SEMA6A: variants seen among roughly 807,000 people sequenced by gnomAD.
SEMA6A encodes semaphorin-6A.
SEMA6A carries 25 observed loss-of-function variants against 96.8 expected under a neutral mutation model. The ratio of observed to expected loss-of-function variants is 0.26; its 90% CI spans 0.19 to 0.36. The LOEUF (loss-of-function observed/expected upper bound fraction) is 0.36. SEMA6A is among the 10% of genes least tolerant of loss of function. The pLI is 1.00. For missense variants in SEMA6A, 1,363 were observed against 1,323.1 expected, an observed-to-expected ratio of 1.03 and a Z score of -0.47; for synonymous variants, 612 against 518.0, an observed-to-expected ratio of 1.18 and a Z score of -2.46.
intron 1 of SEMA6A, among the ~76,000 whole-genome samples, chr5:116,526,825 A>T (rs541843844): frequency 2.2e-4 from 34 of 152,276 alleles, no homozygotes; most frequent in Non-Finnish European, 3.5e-4. Flanking sequence ...ACTTGCAAAT[A>T]CAGGTCTTGA....
chr5:116,497,649 A>G (rs1390221705), intron 3 of SEMA6A, among the ~76,000 whole-genome samples: 4 of 152,208 alleles, frequency 2.6e-5, no homozygotes, highest in East Asian at 1.9e-4. Context: ...CACTAGAACT[A>G]TAGCATCTGC....
Position 116,495,505 on chromosome 5 carries a change from G to A in SEMA6A, c.352C>T (p.His118Tyr), listed in dbSNP as rs1439323520. Residue 118 changes from histidine to tyrosine, a missense_variant, in exon 6 of 19, where the codon CAC becomes TAC. His to Tyr is a moderately conservative substitution (Grantham distance 83, BLOSUM62 2). Around this residue, in one of 2 missense-constraint regions of SEMA6A, gnomAD observed 480 missense variants for 559.5 expected, o/e 0.86. Coordinates refer to ENST00000343348, the MANE Select transcript of SEMA6A (RefSeq NM_020796.5). ...TTTAGAAGAACTTTAATAAAGTTGT[G>A]GCACTCATCCTGAAAAATAATTCAA... ...RMKGKHKDEC[H>Y]NFIKVLLKKN... 1.9e-6 allele frequency: 3 copies of A among 1,593,690 alleles called. No individual in the cohort carries two copies. The highest frequency in any genetic ancestry group is 2.6e-6 in the Non-Finnish European group (3 of 1,168,292).
chr5:116,467,330 C>T (rs937286290), intron 18 of SEMA6A, among the ~76,000 whole-genome samples: 1 of 152,072 alleles, frequency 6.6e-6, no homozygotes, highest in Non-Finnish European at 1.5e-5. Context: ...TCGGGCCAAG[C>T]CACACCTTTT....
In SEMA6A at chr5:116,480,254, G is replaced by T. The variant is rs780358690; in HGVS notation, c.1118C>A (p.Ser373Tyr). Residue 373 changes from serine to tyrosine, a missense_variant, in exon 12 of 19, where the codon TCC (serine) becomes TAC (tyrosine). Physicochemically the swap from Ser to Tyr is moderately radical, Grantham distance 144. This residue lies in a region of SEMA6A where 480 missense variants were observed against 559.5 expected (regional missense o/e 0.86). Transcript: ENST00000343348. ...GGAGGTTGCATATCTTTCTAAGGAGGATGAGCCAGCACAGCAACCTGGCCT... is the reference window on the plus strand; with the variant it reads ...GGAGGTTGCATATCTTTCTAAGGAGTATGAGCCAGCACAGCAACCTGGCCT... ...KPRPGCCAGS[S>Y]SLERYATSNE... 1.9e-6 allele frequency: 3 copies of T among 1,613,786 alleles called. No individual in the cohort carries two copies. The highest frequency in any genetic ancestry group is 2.5e-6 in the Non-Finnish European group (3 of 1,179,750).
At chr5:116,486,441 A>ATATT (rs1343082573) in intron 10 of SEMA6A, among the ~76,000 whole-genome samples, 4 of 152,224 alleles carry the variant, frequency 2.6e-5, no homozygotes, top group African/African-American at 7.2e-5. Context: ...AAAGAAGACA[A>ATATT]TATTATCTAG....
chr5:116,559,849 T>C (rs549326837), intron 1 of SEMA6A, among the ~76,000 whole-genome samples: 16 of 152,282 alleles, frequency 1.1e-4, no homozygotes, highest in African/African-American at 3.8e-4. Flanking sequence ...ATACCCAGAA[T>C]CTGTTTCCTT....
At chr5:116,570,344 T>TTG in intron 1 of SEMA6A, among the ~76,000 whole-genome samples, 1 of 151,146 alleles carries the variant, frequency 6.6e-6, no homozygotes, top group South Asian at 2.1e-4. Flanking sequence ...CCCAAGAGAG[T>TTG]GGGGGGGGTT....
At chr5:116,538,918 G>C (rs796875568) in intron 1 of SEMA6A, among the ~76,000 whole-genome samples, 4 of 151,758 alleles carry the variant, frequency 2.6e-5, no homozygotes, top group African/African-American at 9.7e-5. Flanking sequence ...TTCCTTCTTT[G>C]CCTTTGCTTG....
intron 1 of SEMA6A, among the ~76,000 whole-genome samples, chr5:116,534,265 G>A (rs1759616308): frequency 1.3e-5 from 2 of 152,132 alleles, no homozygotes. Flanking sequence ...TGTCTTTGCT[G>A]CCACCATTTT....
intron 18 of SEMA6A, among the ~76,000 whole-genome samples, chr5:116,448,755 C>A (rs993234968): frequency 2.3e-3 from 249 of 106,408 alleles, no homozygotes; most frequent in South Asian, 4.3e-3. Flanking sequence ...CATCACCTCT[C>A]AAAAAAAAAA....
At chr5:116,465,702 G>T (rs188179016) in intron 18 of SEMA6A, among the ~76,000 whole-genome samples, 102 of 152,262 alleles carry the variant, frequency 6.7e-4, no homozygotes, top group Middle Eastern at 6.8e-3. Context: ...TCCTTGGGGG[G>T]AGTTAACGAT....
intron 18 of SEMA6A, chr5:116,449,444 C>T: frequency 1.5e-6 from 1 of 682,108 alleles, no homozygotes; most frequent in South Asian, 1.6e-5. Context: ...GATCTCTACC[C>T]CTTCCCAAGC....
At chr5:116,544,020 A>G (rs769986913) in intron 1 of SEMA6A, among the ~76,000 whole-genome samples, 3 of 151,110 alleles carry the variant, frequency 2.0e-5, no homozygotes, top group Non-Finnish European at 4.4e-5. Flanking sequence ...AATGCACCCT[A>G]GTAGAAAATA....
intron 18 of SEMA6A, among the ~76,000 whole-genome samples, chr5:116,449,025 G>A (rs1327768188): frequency 6.6e-6 from 1 of 152,216 alleles, no homozygotes; most frequent in Non-Finnish European, 1.5e-5. Flanking sequence ...CCAGGATTCA[G>A]TGTTTCTGAA....
rs547291381 is a variant in SEMA6A, at chr5:116,446,420, C to G, written c.*193G>C. ...GAATGAAGGTGAGTCCCCGCCGTTG[C>G]AAACCTTCACCAAACCACGCGGCCC... On this transcript the variant is annotated 3_prime_UTR_variant, in exon 19 of 19. Coordinates refer to ENST00000343348, the MANE Select transcript of SEMA6A (RefSeq NM_020796.5). The G allele has an allele frequency of 8.2e-6, 4 of 489,888 alleles. No homozygotes were observed. The highest frequency in any genetic ancestry group is 1.4e-5 in the Non-Finnish European group (4 of 282,646). 30.3% of individuals were successfully genotyped at this position (489,888 alleles called of 1,614,324 possible).
At chr5:116,560,064 C>T (rs911501502) in intron 1 of SEMA6A, among the ~76,000 whole-genome samples, 1 of 152,180 alleles carries the variant, frequency 6.6e-6, no homozygotes, top group Non-Finnish European at 1.5e-5. Flanking sequence ...TGTTCTGGGG[C>T]CAAGTCCTAC....
At chr5:116,456,272 CAG>C (rs1405169264) in intron 18 of SEMA6A, among the ~76,000 whole-genome samples, 1 of 152,220 alleles carries the variant, frequency 6.6e-6, no homozygotes, top group Non-Finnish European at 1.5e-5. Flanking sequence ...GTTTCAGCCT[CAG>C]AATCTCTGGG....
At chr5:116,469,082 A>G (rs1755945749) in intron 17 of SEMA6A, 1 of 152,186 alleles carries the variant, frequency 6.6e-6, no homozygotes, top group South Asian at 2.1e-4. Flanking sequence ...TAGCAGGAAA[A>G]AGCAAGCCAA....
chr5:116,571,287 T>A (rs1180538700), intron 1 of SEMA6A, among the ~76,000 whole-genome samples: 3 of 152,236 alleles, frequency 2.0e-5, no homozygotes, highest in East Asian at 3.8e-4. Context: ...ATTCAGCTGA[T>A]GGCTCCTCAG....
Sources: allele counts gnomAD v4.1 joint callset (sites outside exome capture counted in the v4.1 genomes callset), GRCh38; gene constraint gnomAD v4.1.1; regional missense constraint gnomAD v4.1.1; transcripts MANE v1.5; gene names NCBI Gene and HGNC (gene_info 2026-07-23, HGNC 2026-07-21).